Variants in ARHGAP42 observed in about 807,000 individuals in gnomAD.
ARHGAP42 encodes the protein rho GTPase-activating protein 42.
In ARHGAP42, 63 loss-of-function variants were observed where a neutral mutation model predicts 125.0. That is an observed-to-expected ratio of 0.50 (90% CI 0.41 to 0.62). The LOEUF is 0.62. ARHGAP42 is among the 20% of genes least tolerant of loss of function. The pLI is 0.00. For missense variants in ARHGAP42, 766 were observed against 1,024.2 expected (o/e 0.75, Z 3.44); for synonymous variants, 339 against 351.0 (o/e 0.97, Z 0.38).
chr11:100,770,600 C>G (rs1052289237), intron 2 of ARHGAP42, among the ~76,000 whole-genome samples, 162 bp downstream of exon 2: 2 of 152,094 alleles, frequency 1.3e-5, no homozygotes, highest in Non-Finnish European at 2.9e-5. Flanking sequence ...TTTTTGGAGA[C>G]AGAGTCTCTC....
intron 4 of ARHGAP42, among the ~76,000 whole-genome samples, chr11:100,882,554 T>C (rs564329473): frequency 6.6e-6 from 1 of 152,020 alleles, no homozygotes; most frequent in African/African-American, 2.4e-5. Flanking sequence ...TATTGGTCTG[T>C]AGTTTTCTCT....
intron 7 of ARHGAP42, among the ~76,000 whole-genome samples, chr11:100,935,673 C>CAG (rs202012921): frequency 3.1e-4 from 38 of 122,122 alleles, no homozygotes; most frequent in Non-Finnish European, 4.9e-4. Flanking sequence ...CACACACACA[C>CAG]ACACAGAGAG....
intron 12 of ARHGAP42, among the ~76,000 whole-genome samples, chr11:100,957,591 G>A (rs999383450): frequency 2.0e-5 from 3 of 152,028 alleles, no homozygotes; most frequent in African/African-American, 7.2e-5. Flanking sequence ...GATGGTCAAA[G>A]GAAACAAAAA....
chr11:100,813,810 T>C (rs894938463), intron 3 of ARHGAP42, among the ~76,000 whole-genome samples: 9 of 152,170 alleles, frequency 5.9e-5, no homozygotes, highest in African/African-American at 2.2e-4. Context: ...GAGAAAAAAC[T>C]AAAATACAAA....
chr11:100,814,188 G>A (rs1019679833), intron 3 of ARHGAP42, among the ~76,000 whole-genome samples: 3 of 151,392 alleles, frequency 2.0e-5, no homozygotes, highest in South Asian at 2.1e-4. Flanking sequence ...GCGAGACTCC[G>A]TCTCTTAAAA....
chr11:100,793,497 C>T (rs1235577023), intron 2 of ARHGAP42, among the ~76,000 whole-genome samples: 1 of 152,116 alleles, frequency 6.6e-6, no homozygotes, highest in African/African-American at 2.4e-5. Context: ...TGAATAAAAT[C>T]CAATATGAAA....
chr11:100,843,126 T>G (rs12792417), intron 3 of ARHGAP42, among the ~76,000 whole-genome samples: 11,012 of 151,622 alleles, frequency 0.073, 495 homozygotes, highest in Non-Finnish European at 0.11. Context: ...AGAAACAAAA[T>G]GGGAGATATT....
chr11:100,947,729 T>C (rs1210126084), intron 10 of ARHGAP42, among the ~76,000 whole-genome samples: 1 of 151,960 alleles, frequency 6.6e-6, no homozygotes, highest in Admixed American at 6.6e-5. Context: ...TTTTTAATTA[T>C]AAAATATTTA....
intron 2 of ARHGAP42, among the ~76,000 whole-genome samples, chr11:100,783,174 G>T (rs190003289): frequency 6.6e-6 from 1 of 152,178 alleles, no homozygotes; most frequent in African/African-American, 2.4e-5. Context: ...GGTGGCTCAC[G>T]CCTGTAATCC....
chr11:100,775,676 A>C (rs763640107), intron 2 of ARHGAP42, among the ~76,000 whole-genome samples: 1 of 152,254 alleles, frequency 6.6e-6, no homozygotes, highest in Non-Finnish European at 1.5e-5. Context: ...GTTTAGCTGC[A>C]TTGATTTAGC....
intron 3 of ARHGAP42, among the ~76,000 whole-genome samples, chr11:100,849,678 C>T (rs1865157806): frequency 6.6e-6 from 1 of 152,020 alleles, no homozygotes; most frequent in Non-Finnish European, 1.5e-5. Flanking sequence ...TTCTCTTCCC[C>T]CTAATTCTCA....
intron 1 of ARHGAP42, among the ~76,000 whole-genome samples, chr11:100,716,144 C>T (rs904982873): frequency 6.6e-6 from 1 of 152,150 alleles, no homozygotes; most frequent in Admixed American, 6.6e-5. Context: ...GAAAGTTAGC[C>T]TAAACTATCC....
intron 1 of ARHGAP42, among the ~76,000 whole-genome samples, chr11:100,755,181 A>G (rs1178388414): frequency 3.3e-5 from 5 of 152,200 alleles, no homozygotes; most frequent in Admixed American, 2.6e-4. Context: ...GTGTGTGCAC[A>G]CATGTGCATG....
At chr11:100,979,097 T>G (rs2135324893) in intron 22 of ARHGAP42, 48 bp downstream of exon 22, 1 of 1,528,676 alleles carries the variant, frequency 6.5e-7, no homozygotes, top group Non-Finnish European at 8.9e-7. Flanking sequence ...GTGGTGACAT[T>G]GTTGCTTTGT....
In ARHGAP42 at chr11:100,920,684, A is replaced by G. The variant is rs561523745; in HGVS notation, c.487-810A>G. Among the ~76,000 whole-genome samples the G allele has an allele frequency of 2.0e-5, 3 of 152,310 alleles. No homozygotes were observed. The South Asian group carries it at 6.2e-4, about 32-fold the overall frequency. The stretch of plus-strand genomic sequence containing the variant: ...AAGAGGGAAGAGAGAGGCATTGTCT[A>G]AAAGAAAATTAAATCACCTCAGTAA... On this transcript the variant is annotated intron_variant, in intron 5 of 23. Transcript: ENST00000298815.
At chr11:100,950,600 ACAGTTT>A (rs1857627124) in intron 12 of ARHGAP42, among the ~76,000 whole-genome samples, 1 of 151,790 alleles carries the variant, frequency 6.6e-6, no homozygotes, top group Non-Finnish European at 1.5e-5. Context: ...CTTTATAAAC[ACAGTTT>A]ATATGTTTTT....
At chr11:100,726,946 G>A (rs1349331493) in intron 1 of ARHGAP42, among the ~76,000 whole-genome samples, 1 of 152,214 alleles carries the variant, frequency 6.6e-6, no homozygotes, top group Non-Finnish European at 1.5e-5. Flanking sequence ...GATCCTAGGG[G>A]AAGTCCTGAA....
At chr11:100,893,344 G>A (rs1461940919) in intron 4 of ARHGAP42, among the ~76,000 whole-genome samples, 1 of 152,086 alleles carries the variant, frequency 6.6e-6, no homozygotes, top group East Asian at 1.9e-4. Flanking sequence ...GTATAGGAAA[G>A]AACAAATAGA....
intron 1 of ARHGAP42, among the ~76,000 whole-genome samples, chr11:100,723,664 G>T (rs1861804073): frequency 6.6e-6 from 1 of 151,878 alleles, no homozygotes; most frequent in African/African-American, 2.4e-5. Context: ...GAATATTTTT[G>T]TTGATTCTTT....
Sources: allele counts gnomAD v4.1 joint callset (sites outside exome capture counted in the v4.1 genomes callset), GRCh38; gene constraint gnomAD v4.1.1; transcripts MANE v1.5; gene names NCBI Gene and HGNC (gene_info 2026-07-23, HGNC 2026-07-21).